Variants in ADGRL2 observed in about 807,000 individuals in gnomAD.
The protein encoded by ADGRL2 is adhesion G protein-coupled receptor L2.
In ADGRL2, 44 loss-of-function variants were observed where a neutral mutation model predicts 157.4. The ratio of observed to expected loss-of-function variants is 0.28; its 90% CI spans 0.22 to 0.36. The LOEUF (loss-of-function observed/expected upper bound fraction) is 0.36, where lower values mean the gene tolerates loss of function less well. Ranked by LOEUF, ADGRL2 falls within the 10% of genes least tolerant of loss-of-function variation. The pLI is 1.00. For synonymous variants in ADGRL2, 585 were observed against 624.7 expected (o/e 0.94, Z 0.95); for missense variants, 1,510 against 1,768.9 (o/e 0.85, Z 2.63).
intron 3 of ADGRL2, among the ~76,000 whole-genome samples, chr1:81,632,153 C>A (rs1219552475): frequency 6.6e-6 from 1 of 152,082 alleles, no homozygotes; most frequent in African/African-American, 2.4e-5. Context: ...ACAAAACAGA[C>A]AAAGTAAAGC....
chr1:81,327,926 T>A (rs1661007458), intron 1 of ADGRL2, among the ~76,000 whole-genome samples: 1 of 152,138 alleles, frequency 6.6e-6, no homozygotes, highest in Admixed American at 6.6e-5. Context: ...TGCGTTAGAT[T>A]TGAATAACCC....
intron 1 of ADGRL2, among the ~76,000 whole-genome samples, chr1:81,702,829 G>T (rs1235426333): frequency 2.0e-5 from 3 of 152,184 alleles, no homozygotes; most frequent in Admixed American, 1.3e-4. Flanking sequence ...GGTAATATAT[G>T]AAAGGAACCA....
At chr1:81,909,844 C>G (rs1451128864) in intron 3 of ADGRL2, among the ~76,000 whole-genome samples, 1 of 151,944 alleles carries the variant, frequency 6.6e-6, no homozygotes, top group African/African-American at 2.4e-5. Flanking sequence ...CATTCAAATT[C>G]AAGACAGTAT....
At chr1:81,409,076 C>T (rs901819744) in intron 1 of ADGRL2, among the ~76,000 whole-genome samples, 1 of 152,196 alleles carries the variant, frequency 6.6e-6, no homozygotes, top group Non-Finnish European at 1.5e-5. Context: ...CACACACACA[C>T]CTAATAATCT....
intron 3 of ADGRL2, among the ~76,000 whole-genome samples, chr1:81,589,399 A>G (rs2081088428): frequency 6.6e-6 from 1 of 152,146 alleles, no homozygotes; most frequent in African/African-American, 2.4e-5. Context: ...TTATTAATCA[A>G]TATGAATGCA....
At chr1:81,680,542 C>G (rs977625948) in intron 3 of ADGRL2, among the ~76,000 whole-genome samples, 34 of 151,988 alleles carry the variant, frequency 2.2e-4, no homozygotes, top group African/African-American at 8.2e-4. Flanking sequence ...ATGATCTCAT[C>G]AGACCGATAA....
intron 2 of ADGRL2, among the ~76,000 whole-genome samples, chr1:81,773,808 G>T (rs982273202): frequency 6.6e-6 from 1 of 152,166 alleles, no homozygotes; most frequent in African/African-American, 2.4e-5. Flanking sequence ...TCAAATTCAT[G>T]TGTTGCTGTC....
chr1:81,365,987 A>G (rs1271138440), intron 1 of ADGRL2, among the ~76,000 whole-genome samples: 1 of 152,178 alleles, frequency 6.6e-6, no homozygotes, highest in African/African-American at 2.4e-5. Flanking sequence ...GTTTTTAATA[A>G]TAGTTTATTT....
At chr1:81,649,291 A>G (rs990254120) in intron 3 of ADGRL2, among the ~76,000 whole-genome samples, 4 of 152,198 alleles carry the variant, frequency 2.6e-5, no homozygotes, top group African/African-American at 7.2e-5. Context: ...CTTTCCCTGC[A>G]GGAGATCTTA....
chr1:81,364,357 A>C (rs942684741), intron 1 of ADGRL2, among the ~76,000 whole-genome samples: 1 of 152,214 alleles, frequency 6.6e-6, no homozygotes, highest in African/African-American at 2.4e-5. Flanking sequence ...TTCAACCTAT[A>C]TAATCACTTC....
chr1:81,801,571 C>G lies in ADGRL2; in HGVS notation c.-101+503C>G, dbSNP rs1482532353. Reference sequence around the variant, plus strand: ...TGTGGCGTGGCTCTTCCCGGCTACTCCTTGCTTCCCCGAGCCCGAGTCTGC... The same window carrying G: ...TGTGGCGTGGCTCTTCCCGGCTACTGCTTGCTTCCCCGAGCCCGAGTCTGC... On this transcript the variant is annotated intron_variant, in intron 1 of 23. Coordinates refer to ENST00000686636, the MANE Select transcript of ADGRL2 (RefSeq NM_001366006.2). 2.6e-5 allele frequency among the ~76,000 whole-genome samples: 4 copies of G among 152,218 alleles called. No individual in the cohort carries two copies. The East Asian group carries it at 5.8e-4, about 22-fold the overall frequency.
chr1:81,721,688 T>G, intron 1 of ADGRL2: 2 of 1,291,610 alleles, frequency 1.5e-6, no homozygotes, highest in Non-Finnish European at 2.2e-6. Flanking sequence ...CACTGCTTCC[T>G]GACCATGGAC....
chr1:81,989,530 G>A (rs1664140844), intron 23 of ADGRL2: 2 of 645,966 alleles, frequency 3.1e-6, no homozygotes, highest in South Asian at 2.2e-5. Context: ...AATATTAAAT[G>A]AAAAATAAAA....
chr1:81,723,182 G>T lies in ADGRL2; in HGVS notation c.-143+23374G>T, dbSNP rs560840503. On this transcript the variant is annotated intron_variant, in intron 1 of 20. Transcript: ENST00000359929. ...CTCTGACCTTCTCATCAAGAGAGCT[G>T]GGGTGCTTTGAAGATAATCCCTACC... The T allele has an allele frequency of 8.8e-5, 45 of 511,476 alleles. No individual in the cohort carries two copies. The East Asian group carries it at 1.4e-3, about 16-fold the overall frequency. 31.7% of individuals were successfully genotyped at this position (511,476 alleles called of 1,614,324 possible).
chr1:81,343,087 C>CTTTTTTTTTTTTTTTTTTTTT (rs764039251), intron 1 of ADGRL2, among the ~76,000 whole-genome samples: 47 of 127,480 alleles, frequency 3.7e-4, no homozygotes, highest in African/African-American at 8.2e-4. Flanking sequence ...TTTCTTTTTT[C>CTTTTTTTTTTTTTTTTTTTTT]TTTTCTTTTT....
chr1:81,925,047 G>A (rs576263691), intron 3 of ADGRL2, among the ~76,000 whole-genome samples: 1 of 152,010 alleles, frequency 6.6e-6, no homozygotes, highest in Non-Finnish European at 1.5e-5. Flanking sequence ...GACCATGAGG[G>A]TATACTCTCT....
At chr1:81,383,963 AAAAAG>A (rs1553159691) in intron 1 of ADGRL2, among the ~76,000 whole-genome samples, 8 of 150,226 alleles carry the variant, frequency 5.3e-5, no homozygotes, top group Middle Eastern at 3.5e-3. Flanking sequence ...CAAAAAAAAA[AAAAAG>A]AAAAGAAAAG....
intron 1 of ADGRL2, among the ~76,000 whole-genome samples, chr1:81,390,534 A>G (rs1248459929): frequency 6.6e-6 from 1 of 151,202 alleles, no homozygotes; most frequent in Non-Finnish European, 1.5e-5. Flanking sequence ...GAAAGCTCAA[A>G]TAGCATGATA....
intron 2 of ADGRL2, among the ~76,000 whole-genome samples, chr1:81,473,027 G>A (rs978981826): frequency 1.3e-4 from 19 of 151,792 alleles, no homozygotes; most frequent in Admixed American, 1.3e-3. Context: ...GGACCCCAGT[G>A]CCTGTTATGT....
Sources: gnomAD v4.1 joint callset for allele counts (sites outside exome capture counted in the v4.1 genomes callset) on GRCh38, gnomAD v4.1.1 for gene constraint, MANE v1.5 for transcripts, NCBI Gene and HGNC (gene_info 2026-07-23, HGNC 2026-07-21) for gene names.